GSDME: variants seen among roughly 807,000 people sequenced by gnomAD.
GSDME encodes gasdermin E, also known as gasdermin-E.
In GSDME, 44 loss-of-function variants were observed where a neutral mutation model predicts 47.5. The ratio of observed to expected loss-of-function variants is 0.93; its 90% CI spans 0.73 to 1.19. The LOEUF is 1.19. Ranked by LOEUF, GSDME falls within the 50% of genes most tolerant of loss-of-function variation. GSDME has a pLI of 0.00. For synonymous variants in GSDME, 258 were observed against 252.8 expected, an observed-to-expected ratio of 1.02 and a Z score of -0.20; for missense variants, 663 against 604.2, an observed-to-expected ratio of 1.10 and a Z score of -1.02.
At position 24,705,874 on chromosome 7, in the gene GSDME, C is replaced by G. The variant is rs1475933188; in HGVS notation, c.1183+310G>C. 6.6e-6 allele frequency: 3 copies of G among 451,396 alleles called. No individual in the cohort carries two copies. The highest frequency in any genetic ancestry group is 1.2e-5 in the Non-Finnish European group (3 of 242,854). 28.0% of individuals were successfully genotyped at this position (451,396 alleles called of 1,614,324 possible). ...GCTCTGCTGGGACTCCGGAGTGAACCACAGCCTGTCAGGGAGATGCTTGCT... is the reference window on the plus strand; with the variant it reads ...GCTCTGCTGGGACTCCGGAGTGAACGACAGCCTGTCAGGGAGATGCTTGCT... On this transcript the variant is annotated intron_variant, in intron 8 of 9. Coordinates refer to ENST00000645220, the MANE Select transcript of GSDME (RefSeq NM_001127453.2). The surrounding 1 kb of genome is among the most constrained non-coding windows in gnomAD (Gnocchi z 4.1).
Position 24,735,121 on chromosome 7 carries a change from G to C in GSDME, c.404+9441C>G, listed in dbSNP as rs556710136. Among the ~76,000 whole-genome samples the C allele has an allele frequency of 2.0e-5, 3 of 152,250 alleles. No homozygotes were observed. The South Asian group carries it at 6.2e-4, about 32-fold the overall frequency. ...GACTTTTCAGCACAAGTCTTTAAAG[G>C]CCAGGAGAGAGTGGCATGACATATC... is the stretch of plus-strand genomic sequence containing the variant. On this transcript the variant is annotated intron_variant, in intron 3 of 9. Transcript: ENST00000645220. The surrounding 1 kb of genome is among the most constrained non-coding windows in gnomAD (Gnocchi z 4.4).
chr7:24,774,162 T>C, the GSDME span, among the ~76,000 whole-genome samples: 1 of 152,136 alleles, frequency 6.6e-6, no homozygotes, highest in East Asian at 1.9e-4. Context: ...AGTCATCTCT[T>C]TCCACGTCAT....
At chr7:24,783,478 G>C in the GSDME span, among the ~76,000 whole-genome samples, 1 of 152,204 alleles carries the variant, frequency 6.6e-6, no homozygotes, top group East Asian at 1.9e-4. Context: ...CCGAGGCTCA[G>C]AATAGCTGAG....
intron 3 of GSDME, among the ~76,000 whole-genome samples, chr7:24,722,634 A>G (rs551898743): frequency 6.6e-6 from 1 of 152,302 alleles, no homozygotes; most frequent in Non-Finnish European, 1.5e-5. Context: ...TGGAAATCAC[A>G]GCCCTCCTAC....
At chr7:24,779,436 G>A in the GSDME span, among the ~76,000 whole-genome samples, 2 of 151,734 alleles carry the variant, frequency 1.3e-5, no homozygotes, top group Admixed American at 1.3e-4. This position sits in a 1 kb window ranked among gnomAD's most constrained non-coding sequence, Gnocchi z 6.0. Flanking sequence ...AGGCCCAGGA[G>A]TATGGCTGTT....
chr7:24,754,204 C>G lies in GSDME; in HGVS notation c.-20+3192G>C, dbSNP rs1172785402. 6.6e-6 allele frequency among the ~76,000 whole-genome samples: 1 copy of G among 152,180 alleles called. No individual in the cohort carries two copies. The highest frequency in any genetic ancestry group is 1.9e-4 in the East Asian group (1 of 5,194). ...CACAGAGCCTTAAAAGTTATATTAG[C>G]AGCCGGGCCTGGTGGCTCATGCCTG... On this transcript the variant is annotated intron_variant, in intron 1 of 9. Transcript: ENST00000645220. This position sits in a 1 kb window ranked among gnomAD's most constrained non-coding sequence, Gnocchi z 5.0.
Position 24,705,370 on chromosome 7 carries a change from CA to C in GSDME, c.1183+813del, listed in dbSNP as rs1218059884. 1 of 152,452 alleles carries C rather than the reference CA, an allele frequency of 6.6e-6. No homozygotes were observed. Among genetic ancestry groups the C allele is most frequent in the African/African-American group, 2.4e-5 (1 of 41,444 alleles). The allele number at this position is 152,452 out of a possible 1,614,324, so 9.4% of individuals were successfully genotyped here. A position where few individuals can be genotyped will look rare whatever the true frequency, so the allele number is the denominator to read the frequency against. On this transcript the variant is annotated intron_variant, in intron 8 of 9. Transcript: ENST00000645220. The surrounding 1 kb of genome is among the most constrained non-coding windows in gnomAD (Gnocchi z 4.1). ...CATAGAGTTGGGACAGGCATTCTCT[CA>C]GATTAATTCTTTAAAAACTGAAGAT... is the stretch of plus-strand genomic sequence containing the variant.
the GSDME span, among the ~76,000 whole-genome samples, chr7:24,785,839 TCTC>T: frequency 2.0e-5 from 3 of 152,224 alleles, no homozygotes; most frequent in Non-Finnish European, 2.9e-5. Flanking sequence ...TAGCCCTCTG[TCTC>T]CAGCAATTCT....
At chr7:24,751,913 G>A (rs1790871889) in intron 1 of GSDME, among the ~76,000 whole-genome samples, 1 of 152,176 alleles carries the variant, frequency 6.6e-6, no homozygotes. Context: ...TTAGTTTTAT[G>A]TTAGCTACTG....
intron 7 of GSDME, among the ~76,000 whole-genome samples, chr7:24,707,036 G>A (rs781184958): frequency 3.3e-5 from 5 of 152,178 alleles, no homozygotes; most frequent in Non-Finnish European, 4.4e-5. Flanking sequence ...AGAAGTCAAT[G>A]GGCTTTTTAA....
the GSDME span, among the ~76,000 whole-genome samples, chr7:24,764,653 T>A: frequency 6.6e-6 from 1 of 152,204 alleles, no homozygotes; most frequent in Non-Finnish European, 1.5e-5. The surrounding 1 kb of genome is among the most constrained non-coding windows in gnomAD (Gnocchi z 4.4). Context: ...AAGACATGGC[T>A]GTTTGATGAT....
the GSDME span, among the ~76,000 whole-genome samples, chr7:24,780,761 C>T: frequency 6.6e-6 from 1 of 152,220 alleles, no homozygotes; most frequent in African/African-American, 2.4e-5. The surrounding 1 kb of genome is among the most constrained non-coding windows in gnomAD (Gnocchi z 4.1). Context: ...AGAGCAGGGT[C>T]TTAGTGACCT....
At position 24,705,942 on chromosome 7, in the gene GSDME, G is replaced by A. The variant is rs1172520450; in HGVS notation, c.1183+242C>T. On this transcript the variant is annotated intron_variant, in intron 8 of 9. Transcript: ENST00000645220. The surrounding 1 kb of genome is among the most constrained non-coding windows in gnomAD (Gnocchi z 4.1). ...ACCCACTGTGGCCTTCCCTGGGGGA[G>A]GAGGGAGAAGGGCCCTCCGGGAGAG... is the stretch of plus-strand genomic sequence containing the variant. 1 of 574,088 alleles carries A rather than the reference G, an allele frequency of 1.7e-6. No individual in the cohort carries two copies. The highest frequency in any genetic ancestry group is 3.1e-6 in the Non-Finnish European group (1 of 319,878). The allele number at this position is 574,088 out of a possible 1,614,324, so 35.6% of individuals were successfully genotyped here. A position where few individuals can be genotyped will look rare whatever the true frequency, so the allele number is the denominator to read the frequency against.
chr7:24,720,309 G>T (rs1428467933), intron 3 of GSDME, among the ~76,000 whole-genome samples: 2 of 152,218 alleles, frequency 1.3e-5, no homozygotes, highest in African/African-American at 2.4e-5. Flanking sequence ...GACAGGAAAA[G>T]AACCAAACTA....
intron 8 of GSDME, chr7:24,704,826 A>C (rs896919465): frequency 2.0e-5 from 3 of 151,756 alleles, no homozygotes; most frequent in Admixed American, 1.3e-4. Flanking sequence ...AGTAGCTGGG[A>C]CTACAGAGGT....
At chr7:24,759,232 C>T (rs528990263), upstream of GSDME, among the ~76,000 whole-genome samples, 1 of 152,222 alleles carries the variant, frequency 6.6e-6, no homozygotes, top group South Asian at 2.1e-4. Context: ...ATTATTGCAT[C>T]CCCCGCTAGG....
Position 24,708,264 on chromosome 7 carries a change from CA to C in GSDME, c.863-11del. On this transcript the variant is annotated splice_polypyrimidine_tract_variant and intron_variant, in intron 6 of 9. Coordinates refer to ENST00000645220, the MANE Select transcript of GSDME (RefSeq NM_001127453.2). The stretch of plus-strand genomic sequence containing the variant: ...TCCAGGAGCAGGGTCGCTGTGAAAA[CA>C]AAGCACACCCAAGTCTCATGACTGC... 6.2e-7 allele frequency: 1 copy of C among 1,613,936 alleles called. No homozygotes were observed. Among genetic ancestry groups the C allele is most frequent in the South Asian group, 1.1e-5 (1 of 91,056 alleles).
At chr7:24,707,374 C>T (rs1374655990) in intron 7 of GSDME, 1 of 471,438 alleles carries the variant, frequency 2.1e-6, no homozygotes, top group Non-Finnish European at 4.4e-6. Flanking sequence ...TGGCTCTCAC[C>T]ATTTGTACAA....
chr7:24,706,752 G>A (rs540427658), intron 7 of GSDME, among the ~76,000 whole-genome samples: 92 of 152,282 alleles, frequency 6.0e-4, no homozygotes, highest in Middle Eastern at 3.4e-3. Context: ...TCCAGCCCCC[G>A]GCCACATTCC....
Sources: gnomAD v4.1 joint callset for allele counts (sites outside exome capture counted in the v4.1 genomes callset) on GRCh38, gnomAD v4.1.1 for gene constraint, Gnocchi (gnomAD v3.1) non-coding constraint, MANE v1.5 for transcripts, NCBI Gene and HGNC (gene_info 2026-07-23, HGNC 2026-07-21) for gene names.